The following ATG2A variants were observed in gnomAD, a reference collection of about 807,000 sequenced individuals.
ATG2A encodes the protein autophagy related 2A.
A neutral mutation model predicts 214.2 loss-of-function variants in ATG2A; 103 were observed. That is an observed-to-expected ratio of 0.48 (90% CI 0.41 to 0.57). The LOEUF (loss-of-function observed/expected upper bound fraction) is 0.57, where lower values mean the gene tolerates loss of function less well. Among genes scored for constraint, ATG2A ranks in the 20% least tolerant of loss-of-function variants. The pLI is 0.00. For synonymous variants in ATG2A, 1,160 were observed against 1,142.1 expected (o/e 1.02, Z -0.32); for missense variants, 2,312 against 2,613.2 (o/e 0.88, Z 2.51).
At chr11:64,901,172 C>T (rs1479951103) in intron 29 of ATG2A, 80 bp from the exon 30 acceptor site, 2 of 1,391,202 alleles carry the variant, frequency 1.4e-6, no homozygotes, top group Non-Finnish European at 1.9e-6. Flanking sequence ...CCTGGCCTCA[C>T]TTCTTTTTCA....
rs753839450 is a variant in ATG2A at position 64,897,731 on chromosome 11, G to T, written c.5007C>A (p.Phe1669Leu). Reference protein sequence around the residue: ...QQPIYFREFRFTSEVPIWLDY... With the variant: ...QQPIYFREFRLTSEVPIWLDY... ...CCAGCCAGATGGGGACCTCAGACGT[G>T]AAGCGGAACTCTCTGGGTAGGGGAG... The change falls in exon 36 of 41, where the codon TTC (phenylalanine) becomes TTA (leucine). Residue 1669 changes from phenylalanine (F) to leucine (L), a missense_variant. Phe to Leu is a conservative substitution (Grantham distance 22, BLOSUM62 0). Transcript: ENST00000377264. 1 of 1,614,246 alleles carries T rather than the reference G, an allele frequency of 6.2e-7. No individual in the cohort carries two copies. Among genetic ancestry groups the T allele is most frequent in the South Asian group, 1.1e-5 (1 of 91,090 alleles).
At position 64,894,741 on chromosome 11, in the gene ATG2A, G is replaced by A. The variant is rs970230004; in HGVS notation, c.*232C>T. On this transcript the variant is annotated 3_prime_UTR_variant, in exon 41 of 41. Transcript: ENST00000377264. ...GAAGGCAGCAGTGTGGGCCCAGGTC[G>A]GGGGAGGGGCAGTGTCCTTTCTCCC... is the stretch of plus-strand genomic sequence containing the variant. 13 of 705,624 alleles carry A rather than the reference G, an allele frequency of 1.8e-5. No individual in the cohort carries two copies. The highest frequency in any genetic ancestry group is 1.7e-4 in the African/African-American group (10 of 57,308). 43.7% of individuals were successfully genotyped at this position (705,624 alleles called of 1,614,324 possible). A position where few individuals can be genotyped will look rare whatever the true frequency, so the allele number is the denominator to read the frequency against.
Position 64,895,364 on chromosome 11 carries a change from G to A in ATG2A, c.5506C>T (p.Arg1836Trp), listed in dbSNP as rs762126437. 9.3e-6 allele frequency: 15 copies of A among 1,612,826 alleles called. No individual in the cohort carries two copies. Among genetic ancestry groups the A allele is most frequent in the Middle Eastern group, 1.6e-4 (1 of 6,076 alleles). Residue 1836 changes from arginine (R) to tryptophan (W), a missense_variant, in exon 40 of 41, where the codon CGG (arginine) becomes TGG (tryptophan). Transcript: ENST00000377264. The surrounding 1 kb of genome is among the most constrained non-coding windows in gnomAD (Gnocchi z 5.0). ...SRSLQDKRSA[R>W]RLRRGQQPAD... ...GGCTGCTGGCCCCTGCGCAGCCTCC[G>A]CGCAGAGCGCTTATCCTGCAGGGAG...
At chr11:64,908,147 G>A (rs901320581) in intron 16 of ATG2A, among the ~76,000 whole-genome samples, 4 of 152,250 alleles carry the variant, frequency 2.6e-5, no homozygotes, top group African/African-American at 9.6e-5. Flanking sequence ...GCTGGGCGCG[G>A]TGGCTCACGC....
intron 6 of ATG2A, 175 bp downstream of exon 6, chr11:64,912,863 G>T: frequency 1.7e-6 from 1 of 594,590 alleles, no homozygotes; most frequent in Non-Finnish European, 2.9e-6. Flanking sequence ...AAAGTGCTGG[G>T]ATTACAGGTG....
Position 64,898,805 on chromosome 11 carries a change from G to A in ATG2A, c.4502C>T (p.Ala1501Val), listed in dbSNP as rs1188337308. 1 of 1,612,580 alleles carries A rather than the reference G, an allele frequency of 6.2e-7. No homozygotes were observed. Among genetic ancestry groups the A allele is most frequent in the African/African-American group, 1.3e-5 (1 of 74,934 alleles). Residue 1501 changes from alanine (A) to valine (V), a missense_variant, in exon 32 of 41, where the codon GCC becomes GTC. Ala to Val is a moderately conservative substitution (Grantham distance 64, BLOSUM62 0). Transcript: ENST00000377264. The surrounding 1 kb of genome is among the most constrained non-coding windows in gnomAD (Gnocchi z 4.5). ...CTGGCTGGGGGCCGCAGGGCCTGTG[G>A]CTGGCTCCGCTGGGTACACCTCGTG... ...FQHEVYPAEP[A>V]TGPAAPSQEL...
chr11:64,912,988 G>A (rs760071657), intron 6 of ATG2A, 50 bp downstream of exon 6: 3 of 1,300,964 alleles, frequency 2.3e-6, no homozygotes, highest in South Asian at 2.8e-5. Flanking sequence ...TGAGGAGGAG[G>A]AGTCTTGAGA....
chr11:64,910,649 C>T lies in ATG2A; in HGVS notation c.1674G>A (p.Leu558=). Residue 558 remains leucine, a synonymous_variant, in exon 12 of 41, where the codon CTG becomes CTA. Transcript: ENST00000377264. ...SQASARPCAH[L]RHTQILRRVP... ...CACGGCGCAGGATCTGTGTGTGGCGCAGATGGGCGCAGGGCCGAGCTGAGG... is the reference window on the plus strand; with the variant it reads ...CACGGCGCAGGATCTGTGTGTGGCGTAGATGGGCGCAGGGCCGAGCTGAGG... The T allele has an allele frequency of 6.2e-7, 1 of 1,608,598 alleles. No individual in the cohort carries two copies. The highest frequency in any genetic ancestry group is 8.5e-7 in the Non-Finnish European group (1 of 1,177,868).
Position 64,894,930 on chromosome 11 carries a change from G to T in ATG2A, c.*43C>A. 6.2e-7 allele frequency: 1 copy of T among 1,606,494 alleles called. No individual in the cohort carries two copies. Among genetic ancestry groups the T allele is most frequent in the South Asian group, 1.1e-5 (1 of 90,924 alleles). On this transcript the variant is annotated 3_prime_UTR_variant, in exon 41 of 41. Coordinates refer to ENST00000377264, the MANE Select transcript of ATG2A (RefSeq NM_015104.3). Reference sequence around the variant, plus strand: ...GGGCTGCAGCTCTTGGGAGGCTCAGGAGCATGGTGGGCAGCACCCTCTGGG... The same window carrying T: ...GGGCTGCAGCTCTTGGGAGGCTCAGTAGCATGGTGGGCAGCACCCTCTGGG...
intron 19 of ATG2A, 90 bp downstream of exon 19, chr11:64,907,165 T>C (rs1032805717): frequency 7.1e-7 from 1 of 1,398,958 alleles, no homozygotes; most frequent in Non-Finnish European, 9.4e-7. Context: ...GCTCTCCACA[T>C]TCTTGACCTG....
Position 64,895,464 on chromosome 11 carries a change from G to T in ATG2A, c.5428-22C>A. ...TGGCCTGGGGGACATGGGAGCACTG[G>T]ATGAGGACAGCTGGCTGGGGCACAC... On this transcript the variant is annotated intron_variant, in intron 39 of 40. Transcript: ENST00000377264. The surrounding 1 kb of genome is among the most constrained non-coding windows in gnomAD (Gnocchi z 5.0). 1 of 1,532,600 alleles carries T rather than the reference G, an allele frequency of 6.5e-7. No homozygotes were observed. The allele number at this position is 1,532,600 out of a possible 1,614,324, so 94.9% of individuals were successfully genotyped here.
In ATG2A at chr11:64,903,175, A is replaced by AG; in HGVS notation, c.3612+112dup. The AG allele has an allele frequency of 2.1e-6, 2 of 964,768 alleles. No individual in the cohort carries two copies. Among genetic ancestry groups the AG allele is most frequent in the Non-Finnish European group, 3.2e-6 (2 of 622,750 alleles). 59.8% of individuals were successfully genotyped at this position (964,768 alleles called of 1,614,324 possible). A position where few individuals can be genotyped will look rare whatever the true frequency, so the allele number is the denominator to read the frequency against. ...GCGCTAACTGCAGCCCAGGAAGGGC[A>AG]GGCATGAACTGTGTCCGGAGCCCAG... On this transcript the variant is annotated intron_variant, in intron 26 of 40. Coordinates refer to ENST00000377264, the MANE Select transcript of ATG2A (RefSeq NM_015104.3). This position sits in a 1 kb window ranked among gnomAD's most constrained non-coding sequence, Gnocchi z 4.2.
Position 64,895,484 on chromosome 11 carries a change from G to A in ATG2A, c.5428-42C>T. The A allele has an allele frequency of 6.7e-7, 1 of 1,490,716 alleles. No homozygotes were observed. The highest frequency in any genetic ancestry group is 9.0e-7 in the Non-Finnish European group (1 of 1,115,988). The allele number at this position is 1,490,716 out of a possible 1,614,324, so 92.3% of individuals were successfully genotyped here. A position where few individuals can be genotyped will look rare whatever the true frequency, so the allele number is the denominator to read the frequency against. The stretch of plus-strand genomic sequence containing the variant: ...CACTGGATGAGGACAGCTGGCTGGG[G>A]CACACGTCAGCCCCAGGCCCCCAGG... On this transcript the variant is annotated intron_variant, in intron 39 of 40. Coordinates refer to ENST00000377264, the MANE Select transcript of ATG2A (RefSeq NM_015104.3). This position sits in a 1 kb window ranked among gnomAD's most constrained non-coding sequence, Gnocchi z 5.0.
At chr11:64,901,658 C>T (rs1944354685) in intron 29 of ATG2A, among the ~76,000 whole-genome samples, 1 of 152,154 alleles carries the variant, frequency 6.6e-6, no homozygotes, top group African/African-American at 2.4e-5. Flanking sequence ...CATGGTTCTC[C>T]ATCCCTCTTG....
chr11:64,906,908 G>A lies in ATG2A; in HGVS notation c.2833-93C>T. ...GGCGGCTCCTGGAGCCCTGGCCTAA[G>A]GGGGTCAGCTCCAGTTTCCACCATG... On this transcript the variant is annotated intron_variant, in intron 19 of 40. Transcript: ENST00000377264. 5.6e-6 allele frequency: 8 copies of A among 1,440,576 alleles called. 1 individual carries two copies. The South Asian group carries it at 7.9e-5, about 14-fold the overall frequency. 89.2% of individuals were successfully genotyped at this position (1,440,576 alleles called of 1,614,324 possible). A position where few individuals can be genotyped will look rare whatever the true frequency, so the allele number is the denominator to read the frequency against.
intron 24 of ATG2A, among the ~76,000 whole-genome samples, chr11:64,904,451 A>G (rs1408189181): frequency 6.6e-6 from 1 of 152,036 alleles, no homozygotes; most frequent in African/African-American, 2.4e-5. Context: ...AGGCTGAGGC[A>G]GGAGAATCGC....
At chr11:64,897,788 G>A (rs1336753465) in intron 35 of ATG2A, 45 bp from the exon 36 acceptor site, 3 of 1,614,046 alleles carry the variant, frequency 1.9e-6, no homozygotes, top group Non-Finnish European at 2.5e-6. Flanking sequence ...TCACTGGCCT[G>A]GCCCCCAGCA....
In ATG2A at chr11:64,913,116, G is replaced by C. The variant is rs771587958; in HGVS notation, c.747C>G (p.Pro249=). 1 of 1,578,702 alleles carries C rather than the reference G, an allele frequency of 6.3e-7. No homozygotes were observed. Among genetic ancestry groups the C allele is most frequent in the Non-Finnish European group, 8.6e-7 (1 of 1,158,920 alleles). Residue 249 remains proline, a synonymous_variant, in exon 6 of 41, where the codon CCC becomes CCG. Coordinates refer to ENST00000377264, the MANE Select transcript of ATG2A (RefSeq NM_015104.3). The surrounding 1 kb of genome is among the most constrained non-coding windows in gnomAD (Gnocchi z 4.3). ...ACCCTGAGCAGCTGCCGATCTGCAA[G>C]GGGGGCTCTGGAGGCTCTTCCTGGG... is the stretch of plus-strand genomic sequence containing the variant. ...LPAQEEPPEP[P]LQIGSCSGYM... is the part of the protein sequence containing the mutation.
At position 64,909,827 on chromosome 11, in the gene ATG2A, G is replaced by T. The variant is rs1944695734; in HGVS notation, c.1961C>A (p.Pro654His). 1.9e-6 allele frequency: 3 copies of T among 1,610,770 alleles called. No homozygotes were observed. The highest frequency in any genetic ancestry group is 2.5e-6 in the Non-Finnish European group (3 of 1,179,292). ...RLRFPIADLRPEPDPWAGQAV... is the reference protein window; with the variant it reads ...RLRFPIADLRHEPDPWAGQAV... ...CTGGCCCGCCCAGGGGTCCGGCTCA[G>T]GCCGCAGGTCGGCAATGGGGAAGCG... Residue 654 changes from proline (P) to histidine (H), a missense_variant, in exon 14 of 41, where the codon CCT becomes CAT. Coordinates refer to ENST00000377264, the MANE Select transcript of ATG2A (RefSeq NM_015104.3).
Sources: allele counts gnomAD v4.1 joint callset (sites outside exome capture counted in the v4.1 genomes callset), GRCh38; gene constraint gnomAD v4.1.1; non-coding constraint Gnocchi (gnomAD v3.1); transcripts MANE v1.5; gene names NCBI Gene and HGNC (gene_info 2026-07-23, HGNC 2026-07-21).